Variants in SLC2A9 observed in about 807,000 individuals in gnomAD.
The protein encoded by SLC2A9 is solute carrier family 2, facilitated glucose transporter member 9.
In SLC2A9, 39 loss-of-function variants were observed where a neutral mutation model predicts 50.6. The observed-to-expected ratio is 0.77, with a 90% confidence interval of 0.60 to 1.01. The LOEUF is 1.01. SLC2A9 is among the 50% of genes least tolerant of loss of function. The pLI, the probability that SLC2A9 is intolerant of heterozygous loss-of-function variation, is 0.00. For missense variants in SLC2A9, 686 were observed against 677.6 expected (o/e 1.01, Z -0.14); for synonymous variants, 324 against 276.9 (o/e 1.17, Z -1.69).
chr4:9,843,963 T>C (rs1360130995), intron 10 of SLC2A9, among the ~76,000 whole-genome samples: 1 of 152,046 alleles, frequency 6.6e-6, no homozygotes, highest in Non-Finnish European at 1.5e-5. Flanking sequence ...CTTGCCTTAG[T>C]AGCACATGCA....
At chr4:9,900,341 T>C (rs1465372237) in intron 8 of SLC2A9, among the ~76,000 whole-genome samples, 1 of 152,094 alleles carries the variant, frequency 6.6e-6, no homozygotes, top group Non-Finnish European at 1.5e-5. Context: ...CAGGAAAATT[T>C]GGTGGGAAGT....
At chr4:9,924,264 C>T (rs1282724655) in intron 6 of SLC2A9, 1 of 152,270 alleles carries the variant, frequency 6.6e-6, no homozygotes, top group African/African-American at 2.4e-5. Flanking sequence ...CCACCCATGT[C>T]TCTCCTGCAC....
intron 7 of SLC2A9, among the ~76,000 whole-genome samples, chr4:9,916,853 C>T (rs1742935322): frequency 6.6e-6 from 1 of 152,222 alleles, no homozygotes; most frequent in African/African-American, 2.4e-5. Flanking sequence ...CAAGAACTCC[C>T]TATCTCCTGC....
At chr4:9,969,592 G>T (rs1753572414) in intron 5 of SLC2A9, among the ~76,000 whole-genome samples, 1 of 152,120 alleles carries the variant, frequency 6.6e-6, no homozygotes, top group Non-Finnish European at 1.5e-5. Flanking sequence ...TGCTGATAAA[G>T]ACATACCTGA....
At chr4:9,805,492 A>G (rs1721996243) in intron 3 of SLC2A9, among the ~76,000 whole-genome samples, 1 of 152,144 alleles carries the variant, frequency 6.6e-6, no homozygotes, top group East Asian at 1.9e-4. Flanking sequence ...TGAACTCAGG[A>G]GTTTGACACC....
At chr4:10,014,781 T>A (rs528868530) in intron 2 of SLC2A9, among the ~76,000 whole-genome samples, 1 of 152,124 alleles carries the variant, frequency 6.6e-6, no homozygotes, top group Admixed American at 6.5e-5. Context: ...GTCGTTTTCA[T>A]CTTTCTACCC....
rs570936429 is a variant in SLC2A9 at position 9,833,707 on chromosome 4, T to C, written c.1419+1174A>G. 3.3e-5 allele frequency among the ~76,000 whole-genome samples: 5 copies of C among 152,302 alleles called. No individual in the cohort carries two copies. The East Asian group carries it at 7.7e-4, about 24-fold the overall frequency. On this transcript the variant is annotated intron_variant, in intron 11 of 11. Coordinates refer to ENST00000264784, the MANE Select transcript of SLC2A9 (RefSeq NM_020041.3). ...CTCTGGGATGTGTTGGGCTTGGCAC[T>C]AGTAAATTAGCAGGCGGACTTAGAA... is the stretch of plus-strand genomic sequence containing the variant.
rs371736729 is a variant in SLC2A9 at position 9,890,523 on chromosome 4, A to T, written c.1215+87T>A. On this transcript the variant is annotated intron_variant, in intron 9 of 11. Transcript: ENST00000264784. ...ACAAGTGTTTTCTGTAGAAGTATGA[A>T]CCCACAAATCAAAGGCCCCAAAACG... 5.2e-5 allele frequency: 63 copies of T among 1,217,712 alleles called. No individual in the cohort carries two copies. In the African/African-American group the frequency reaches 5.3e-4, roughly 10 times the overall value. 75.4% of individuals were successfully genotyped at this position (1,217,712 alleles called of 1,614,324 possible).
intron 10 of SLC2A9, among the ~76,000 whole-genome samples, chr4:9,839,159 C>T (rs1014908655): frequency 6.6e-6 from 1 of 151,832 alleles, no homozygotes; most frequent in Non-Finnish European, 1.5e-5. Context: ...GAATAAAACC[C>T]ATTAAAAAGC....
At chr4:9,932,432 AG>A (rs1746319896) in intron 6 of SLC2A9, among the ~76,000 whole-genome samples, 1 of 152,134 alleles carries the variant, frequency 6.6e-6, no homozygotes, top group Non-Finnish European at 1.5e-5. Flanking sequence ...ATTCTCATGG[AG>A]GGGAGTGATA....
In SLC2A9 at chr4:9,938,145, T is replaced by C. The variant is rs574255060; in HGVS notation, c.814+3768A>G. 3.9e-5 allele frequency among the ~76,000 whole-genome samples: 6 copies of C among 152,366 alleles called. No homozygotes were observed. The South Asian group carries it at 1.2e-3, about 32-fold the overall frequency. On this transcript the variant is annotated intron_variant, in intron 6 of 11. Transcript: ENST00000264784. ...AGTTTTAAGCAGATACACGATTACT[T>C]ATCTAACTGTTCTTAGATGAAATGG...
chr4:9,783,003 A>C, intron 3 of SLC2A9: 1 of 1,614,120 alleles, frequency 6.2e-7, no homozygotes, highest in Non-Finnish European at 8.5e-7. Flanking sequence ...TGCAGTGGAC[A>C]CCCCGAAGGC....
intron 1 of SLC2A9, among the ~76,000 whole-genome samples, chr4:10,028,199 A>G (rs1394503633): frequency 6.6e-6 from 1 of 152,254 alleles, no homozygotes; most frequent in East Asian, 1.9e-4. Context: ...CACAGGACCA[A>G]GCAATTTCAT....
At chr4:9,988,430 T>G (rs1230884663) in intron 3 of SLC2A9, among the ~76,000 whole-genome samples, 1 of 152,136 alleles carries the variant, frequency 6.6e-6, no homozygotes. Flanking sequence ...CAAACGGGAG[T>G]GCACACTCTC....
chr4:9,962,421 C>A (rs191808162), intron 5 of SLC2A9, among the ~76,000 whole-genome samples: 17 of 152,284 alleles, frequency 1.1e-4, no homozygotes, highest in African/African-American at 3.9e-4. Flanking sequence ...TTTGCAGGGA[C>A]ATGGATGGAG....
chr4:9,834,665 G>C (rs1726727546), intron 11 of SLC2A9, among the ~76,000 whole-genome samples: 1 of 152,180 alleles, frequency 6.6e-6, no homozygotes, highest in African/African-American at 2.4e-5. Context: ...CACACCCTCT[G>C]AAAGAGCCCA....
At chr4:9,968,146 GT>G (rs1418985975) in intron 5 of SLC2A9, among the ~76,000 whole-genome samples, 1 of 151,826 alleles carries the variant, frequency 6.6e-6, no homozygotes, top group Non-Finnish European at 1.5e-5. Flanking sequence ...TTATTTTTTT[GT>G]TTGTTTTATA....
chr4:9,862,042 C>T (rs1439919397), intron 10 of SLC2A9, among the ~76,000 whole-genome samples: 1 of 152,172 alleles, frequency 6.6e-6, no homozygotes, highest in Admixed American at 6.5e-5. Flanking sequence ...TATTCCACCC[C>T]AAAACACGAA....
intron 3 of SLC2A9, among the ~76,000 whole-genome samples, chr4:9,804,424 C>T (rs1721861331): frequency 3.3e-5 from 5 of 151,400 alleles, no homozygotes; most frequent in Admixed American, 3.3e-4. Context: ...TTCCTTCACC[C>T]ATGGGCTGTT....
Sources: gnomAD v4.1 joint callset for allele counts (sites outside exome capture counted in the v4.1 genomes callset) on GRCh38, gnomAD v4.1.1 for gene constraint, MANE v1.5 for transcripts, NCBI Gene and HGNC (gene_info 2026-07-23, HGNC 2026-07-21) for gene names.